KDM5A: variants seen among roughly 807,000 people sequenced by gnomAD.
The protein encoded by KDM5A is lysine-specific demethylase 5A.
In KDM5A, 42 loss-of-function variants were observed where a neutral mutation model predicts 193.5. That is an observed-to-expected ratio of 0.22 (90% CI 0.17 to 0.28). The LOEUF (loss-of-function observed/expected upper bound fraction) is 0.28. Among genes scored for constraint, KDM5A ranks in the 10% least tolerant of loss-of-function variants. The pLI is 1.00. For synonymous variants in KDM5A, 796 were observed against 718.1 expected (o/e 1.11, Z -1.73); for missense variants, 1,692 against 2,055.1 (o/e 0.82, Z 3.42).
At chr12:366,420 C>T (rs1380684189) in intron 3 of KDM5A, among the ~76,000 whole-genome samples, 1 of 151,956 alleles carries the variant, frequency 6.6e-6, no homozygotes, top group Non-Finnish European at 1.5e-5. Flanking sequence ...TTAAGGAACT[C>T]ACAATATGAA....
intron 4 of KDM5A, among the ~76,000 whole-genome samples, chr12:363,778 A>G (rs909031785): frequency 6.6e-6 from 1 of 152,200 alleles, no homozygotes; most frequent in Non-Finnish European, 1.5e-5. Context: ...AAATAAAAAA[A>G]TGGTTCTTCA....
Position 284,287 on chromosome 12 carries a change from T to C in KDM5A, c.*1169A>G. Reference sequence around the variant, plus strand: ...AATAATCTATGTATAGAACAGTCAGTAGTCAGAGACATTTAGAAAAAAGTA... The same window carrying C: ...AATAATCTATGTATAGAACAGTCAGCAGTCAGAGACATTTAGAAAAAAGTA... On this transcript the variant is annotated 3_prime_UTR_variant, in exon 28 of 28. Coordinates refer to ENST00000399788, the MANE Select transcript of KDM5A (RefSeq NM_001042603.3). The C allele has an allele frequency of 4.4e-6, 1 of 229,346 alleles. No individual in the cohort carries two copies. Among genetic ancestry groups the C allele is most frequent in the Non-Finnish European group, 8.6e-6 (1 of 115,708 alleles). 14.2% of individuals were successfully genotyped at this position (229,346 alleles called of 1,614,324 possible).
At chr12:376,093 G>A (rs2079785) in intron 3 of KDM5A, among the ~76,000 whole-genome samples, 107,027 of 152,062 alleles carry the variant, frequency 0.7, 37,887 homozygotes, top group Middle Eastern at 0.78. Flanking sequence ...GAGAACCACT[G>A]CTCTCTTCAA....
chr12:311,971 T>G (rs1345858375), intron 20 of KDM5A, among the ~76,000 whole-genome samples: 1 of 152,024 alleles, frequency 6.6e-6, no homozygotes, highest in Non-Finnish European at 1.5e-5. Context: ...GAGGCAGAGG[T>G]TGCAGTGAGC....
intron 5 of KDM5A, among the ~76,000 whole-genome samples, chr12:360,548 G>A (rs1944281604): frequency 6.6e-6 from 1 of 152,146 alleles, no homozygotes; most frequent in South Asian, 2.1e-4. Context: ...CATGACCAGA[G>A]ATCAATTAAG....
rs145873005 is a variant in KDM5A, at chr12:297,979, T to C, written c.4075-779A>G. Among the ~76,000 whole-genome samples, 16 of 152,164 alleles carry C rather than the reference T, an allele frequency of 1.1e-4. No homozygotes were observed. The East Asian group carries it at 3.1e-3, about 29-fold the overall frequency. ...GGAGATAATAAACCTACAAAAAAAT[T>C]ACTATTGCTCTCTAGATTCCTCCTC... On this transcript the variant is annotated intron_variant, in intron 24 of 27. Coordinates refer to ENST00000399788, the MANE Select transcript of KDM5A (RefSeq NM_001042603.3).
At chr12:298,065 C>T (rs1456735021) in intron 24 of KDM5A, among the ~76,000 whole-genome samples, 3 of 152,318 alleles carry the variant, frequency 2.0e-5, no homozygotes, top group African/African-American at 4.8e-5. Context: ...ATAGATAAAA[C>T]CCCCAGCTCC....
Position 280,442 on chromosome 12 carries a change from C to G in KDM5A, c.*5014G>C, listed in dbSNP as rs538426674. ...AGAAAATTATTTCCCAAGAGGTAAT[C>G]AGATTCCCCTCCCTGCCCCCGCTCT... is the stretch of plus-strand genomic sequence containing the variant. On this transcript the variant is annotated 3_prime_UTR_variant, in exon 28 of 28. Coordinates refer to ENST00000399788, the MANE Select transcript of KDM5A (RefSeq NM_001042603.3). 1 of 233,014 alleles carries G rather than the reference C, an allele frequency of 4.3e-6. No homozygotes were observed. The highest frequency in any genetic ancestry group is 2.2e-5 in the African/African-American group (1 of 45,392). The allele number at this position is 233,014 out of a possible 1,614,324, so 14.4% of individuals were successfully genotyped here. A position where few individuals can be genotyped will look rare whatever the true frequency, so the allele number is the denominator to read the frequency against.
intron 7 of KDM5A, 22 bp downstream of exon 7, chr12:355,136 T>C: frequency 7.1e-7 from 1 of 1,414,134 alleles, no homozygotes; most frequent in East Asian, 2.3e-5. Flanking sequence ...CTTTCCCTCC[T>C]GACAGACCCC....
At chr12:293,224 A>G (rs1943322753) in intron 26 of KDM5A, 55 bp from the exon 27 acceptor site, 3 of 1,469,544 alleles carry the variant, frequency 2.0e-6, no homozygotes, top group African/African-American at 2.8e-5. Context: ...AAAAAACAGT[A>G]TTACTCTCTT....
At position 307,964 on chromosome 12, in the gene KDM5A, G is replaced by A; in HGVS notation, c.3420C>T (p.Ala1140=). The A allele has an allele frequency of 6.2e-7, 1 of 1,614,128 alleles. No homozygotes were observed. The highest frequency in any genetic ancestry group is 8.5e-7 in the Non-Finnish European group (1 of 1,180,020). The change falls in exon 23 of 28, where the codon GCC becomes GCT. Residue 1140 remains alanine, a synonymous_variant. Transcript: ENST00000399788. The surrounding 1 kb of genome is among the most constrained non-coding windows in gnomAD (Gnocchi z 4.3). ...FKEREQKEIE[A]MHSLRAANLA... ...GGTTGGCTGCTCTGAGAGAATGCAT[G>A]GCTTCAATCTCTTTTTGCTCCCGTT...
At position 359,785 on chromosome 12, in the gene KDM5A, G is replaced by C. The variant is rs562666425; in HGVS notation, c.672+3178C>G. On this transcript the variant is annotated intron_variant, in intron 5 of 27. Transcript: ENST00000399788. The stretch of plus-strand genomic sequence containing the variant: ...GGGGGGAGTGGGAGGGAAGGAGGAA[G>C]GGATGAAGGGAAGAAGGGAGGGAGG... Among the ~76,000 whole-genome samples the C allele has an allele frequency of 4.9e-4, 71 of 145,820 alleles. 1 individual carries two copies. The highest frequency in any genetic ancestry group is 2.9e-3 in the South Asian group (13 of 4,462).
chr12:364,062 A>T (rs983588406), intron 4 of KDM5A, among the ~76,000 whole-genome samples: 22 of 152,250 alleles, frequency 1.4e-4, no homozygotes, highest in African/African-American at 5.1e-4. Context: ...GGCTATAATT[A>T]AAAAAACTGA....
chr12:381,927 C>G (rs1392223987), intron 3 of KDM5A, among the ~76,000 whole-genome samples: 1 of 152,128 alleles, frequency 6.6e-6, no homozygotes, highest in East Asian at 1.9e-4. Flanking sequence ...CTGCCTCAGC[C>G]TCTTGATTAG....
chr12:328,132 G>A (rs1943815855), intron 14 of KDM5A, among the ~76,000 whole-genome samples: 1 of 152,282 alleles, frequency 6.6e-6, no homozygotes, highest in East Asian at 1.9e-4. Flanking sequence ...TATATACAGA[G>A]TCAAAACTTA....
intron 6 of KDM5A, 148 bp from the exon 7 acceptor site, chr12:355,397 G>A (rs1023692055): frequency 9.2e-6 from 6 of 651,076 alleles, no homozygotes; most frequent in Non-Finnish European, 1.6e-5. Flanking sequence ...TCTCACTGAA[G>A]ATGAAGAACC....
At chr12:340,895 T>A (rs781169113) in intron 10 of KDM5A, among the ~76,000 whole-genome samples, 12 of 152,094 alleles carry the variant, frequency 7.9e-5, no homozygotes, top group Non-Finnish European at 1.6e-4. Flanking sequence ...GCTGCTCCTA[T>A]CTAACAAACA....
intron 22 of KDM5A, 81 bp downstream of exon 22, chr12:309,722 C>CTTTTT: frequency 6.9e-7 from 1 of 1,448,832 alleles, no homozygotes; most frequent in Non-Finnish European, 9.7e-7. Flanking sequence ...AAGTTAAAAA[C>CTTTTT]ATAAAAACTG....
At chr12:351,264 G>T (rs1404004860) in intron 9 of KDM5A, among the ~76,000 whole-genome samples, 1 of 152,028 alleles carries the variant, frequency 6.6e-6, no homozygotes, top group African/African-American at 2.4e-5. Context: ...CTGTGTCCGT[G>T]TGTTCTCATT....
Sources: gnomAD v4.1 joint callset for allele counts (sites outside exome capture counted in the v4.1 genomes callset) on GRCh38, gnomAD v4.1.1 for gene constraint, Gnocchi (gnomAD v3.1) non-coding constraint, MANE v1.5 for transcripts, NCBI Gene and HGNC (gene_info 2026-07-23, HGNC 2026-07-21) for gene names.